Variants in NLK observed in about 807,000 individuals in gnomAD.
NLK encodes the protein nemo like kinase, also known as serine/threonine-protein kinase NLK.
NLK carries 11 observed loss-of-function variants against 59.0 expected under a neutral mutation model. The ratio of observed to expected loss-of-function variants is 0.19; its 90% CI spans 0.12 to 0.31. The LOEUF is 0.31. NLK is among the 10% of genes least tolerant of loss of function. NLK has a pLI of 1.00. For synonymous variants in NLK, 235 were observed against 235.9 expected (o/e 1.00, Z 0.03); for missense variants, 410 against 661.1 (o/e 0.62, Z 4.16).
intron 3 of NLK, among the ~76,000 whole-genome samples, chr17:28,145,961 C>T (rs1194319689): frequency 6.6e-6 from 1 of 152,208 alleles, no homozygotes; most frequent in African/African-American, 2.4e-5. Flanking sequence ...CCACCTCAGC[C>T]TCCCAAAGTG....
At chr17:28,079,218 G>A (rs1910264396) in intron 1 of NLK, among the ~76,000 whole-genome samples, 1 of 152,074 alleles carries the variant, frequency 6.6e-6, no homozygotes, top group Non-Finnish European at 1.5e-5. Context: ...CCTTTTTTAA[G>A]GCTGAATAAT....
chr17:28,153,640 G>A (rs549229547), intron 3 of NLK, among the ~76,000 whole-genome samples: 15 of 152,234 alleles, frequency 9.9e-5, no homozygotes, highest in African/African-American at 3.1e-4. Context: ...ATAACAAAAC[G>A]CTTAATGCAG....
intron 3 of NLK, among the ~76,000 whole-genome samples, chr17:28,147,199 C>G (rs898170713): frequency 6.6e-6 from 1 of 152,088 alleles, no homozygotes; most frequent in African/African-American, 2.4e-5. Context: ...TTTATTGATG[C>G]TAATGATGAT....
At position 28,164,894 on chromosome 17, in the gene NLK, GA is replaced by G. The variant is rs1383606436; in HGVS notation, c.837+1270del. Among the ~76,000 whole-genome samples, 4 of 151,994 alleles carry G rather than the reference GA, an allele frequency of 2.6e-5. No individual in the cohort carries two copies. The East Asian group carries it at 7.7e-4, about 29-fold the overall frequency. The stretch of plus-strand genomic sequence containing the variant: ...CTCTGAACTGTAGGTCAGTTCTCTT[GA>G]AAAGCTGGTGGATTATACTGCTTAT... On this transcript the variant is annotated intron_variant, in intron 5 of 10. Transcript: ENST00000407008.
At chr17:28,138,343 T>C (rs904155853) in intron 3 of NLK, among the ~76,000 whole-genome samples, 30 of 152,222 alleles carry the variant, frequency 2.0e-4, no homozygotes, top group African/African-American at 7.2e-4. Context: ...ATGAGAAGTC[T>C]AGTGGAGTGT....
At chr17:28,126,473 A>G (rs1192168210) in intron 2 of NLK, among the ~76,000 whole-genome samples, 1 of 152,218 alleles carries the variant, frequency 6.6e-6, no homozygotes, top group Non-Finnish European at 1.5e-5. Flanking sequence ...CCTTTTGAGA[A>G]CAAGATTTGA....
At chr17:28,085,956 G>T (rs1018216752) in intron 1 of NLK, among the ~76,000 whole-genome samples, 4 of 152,128 alleles carry the variant, frequency 2.6e-5, no homozygotes, top group African/African-American at 4.8e-5. Flanking sequence ...CTAGGTTTGT[G>T]TAAGTACACT....
intron 7 of NLK, among the ~76,000 whole-genome samples, chr17:28,173,256 A>T (rs915495206): frequency 2.6e-5 from 4 of 152,224 alleles, no homozygotes; most frequent in African/African-American, 9.6e-5. Context: ...AATAAGGGGA[A>T]TACTTTTCCT....
rs565618564 is a variant in NLK, at chr17:28,058,452, G to A, written c.458+15121G>A. Among the ~76,000 whole-genome samples the A allele has an allele frequency of 5.8e-4, 89 of 152,260 alleles. 4 individuals are homozygous for A. In the South Asian group the frequency reaches 0.018, roughly 31 times the overall value. On this transcript the variant is annotated intron_variant, in intron 1 of 10. Transcript: ENST00000407008. ...TCTGTTTCTTTCAATGCTAATGTAA[G>A]TGCTTATAACCACTTGTGACATGTT...
At chr17:28,097,218 A>G (rs1056697346) in intron 1 of NLK, among the ~76,000 whole-genome samples, 6 of 152,192 alleles carry the variant, frequency 3.9e-5, no homozygotes, top group Admixed American at 1.3e-4. Context: ...AAAATGTTCA[A>G]ATAACAAAAT....
intron 8 of NLK, among the ~76,000 whole-genome samples, chr17:28,188,423 G>A (rs1029960983): frequency 1.3e-5 from 2 of 152,100 alleles, no homozygotes; most frequent in African/African-American, 4.8e-5. Context: ...CATTTAAAGA[G>A]AGGTTTGTTC....
chr17:28,107,245 C>T (rs1905215410), intron 1 of NLK, among the ~76,000 whole-genome samples: 1 of 151,870 alleles, frequency 6.6e-6, no homozygotes, highest in Non-Finnish European at 1.5e-5. Flanking sequence ...ACCAGCCTGG[C>T]CAACATGATG....
intron 8 of NLK, 31 bp from the exon 9 acceptor site, chr17:28,190,990 G>A: frequency 2.0e-6 from 3 of 1,496,980 alleles, no homozygotes; most frequent in South Asian, 1.3e-5. Flanking sequence ...TATCTGTAGT[G>A]TTGATGTGCT....
At chr17:28,201,762 TC>T in the NLK span, among the ~76,000 whole-genome samples, 1 of 152,126 alleles carries the variant, frequency 6.6e-6, no homozygotes, top group Admixed American at 6.5e-5. Flanking sequence ...ACACCTGTAA[TC>T]CCAGCACTTT....
chr17:28,184,405 G>A (rs1421717444), intron 7 of NLK, among the ~76,000 whole-genome samples: 1 of 152,102 alleles, frequency 6.6e-6, no homozygotes, highest in Non-Finnish European at 1.5e-5. Flanking sequence ...AAGATGTAAG[G>A]CTAACTAAAA....
At chr17:28,174,694 C>T (rs1267082045) in intron 7 of NLK, among the ~76,000 whole-genome samples, 2 of 152,186 alleles carry the variant, frequency 1.3e-5, no homozygotes, top group Non-Finnish European at 2.9e-5. Flanking sequence ...TCCACTTTTC[C>T]TCCAGTATGG....
At chr17:28,173,405 ACTC>A (rs1254463502) in intron 7 of NLK, among the ~76,000 whole-genome samples, 6 of 151,998 alleles carry the variant, frequency 3.9e-5, no homozygotes, top group Non-Finnish European at 8.8e-5. Context: ...TGAATTTGAC[ACTC>A]CTCCTCTCAA....
At chr17:28,139,735 TC>T (rs1399904983) in intron 3 of NLK, among the ~76,000 whole-genome samples, 1 of 152,238 alleles carries the variant, frequency 6.6e-6, no homozygotes, top group African/African-American at 2.4e-5. Flanking sequence ...AAATAACTTG[TC>T]CAACGTCACT....
At chr17:28,159,171 C>T (rs1338486857) in intron 3 of NLK, among the ~76,000 whole-genome samples, 2 of 152,014 alleles carry the variant, frequency 1.3e-5, no homozygotes, top group African/African-American at 4.8e-5. Context: ...CAGAGAATAT[C>T]CAGGAAGAAA....
Sources: allele counts gnomAD v4.1 joint callset (sites outside exome capture counted in the v4.1 genomes callset), GRCh38; gene constraint gnomAD v4.1.1; transcripts MANE v1.5; gene names NCBI Gene and HGNC (gene_info 2026-07-23, HGNC 2026-07-21).